The following NUP35 variants were observed in gnomAD, a reference collection of about 807,000 sequenced individuals.
NUP35 encodes nucleoporin NUP35.
A neutral mutation model predicts 41.5 loss-of-function variants in NUP35; 25 were observed. The observed-to-expected ratio is 0.60, with a 90% CI of 0.44 to 0.84. The LOEUF (loss-of-function observed/expected upper bound fraction) is 0.84. NUP35 is among the 40% of genes least tolerant of loss of function. NUP35 has a pLI of 0.00. For missense variants in NUP35, 396 were observed against 396.6 expected, an observed-to-expected ratio of 1.00 and a Z score of 0.01; for synonymous variants, 149 against 130.7, an observed-to-expected ratio of 1.14 and a Z score of -0.96.
chr2:183,147,222 A>G (rs1685311037), intron 4 of NUP35, among the ~76,000 whole-genome samples: 1 of 152,126 alleles, frequency 6.6e-6, no homozygotes, highest in Non-Finnish European at 1.5e-5. Flanking sequence ...CCAACTTGTC[A>G]ATCTTTGTTT....
rs940350751 is a variant in NUP35 at position 183,146,843 on chromosome 2, C to T, written c.398-4665C>T. On this transcript the variant is annotated intron_variant, in intron 4 of 8. Coordinates refer to ENST00000295119, the MANE Select transcript of NUP35 (RefSeq NM_138285.5). Reference sequence around the variant, plus strand: ...AACTCGTGACCTCAGGTGATCCAAACGCCTTGGCCTCCCAAAGTGCTAGGA... The same window carrying T: ...AACTCGTGACCTCAGGTGATCCAAATGCCTTGGCCTCCCAAAGTGCTAGGA... 2.0e-5 allele frequency among the ~76,000 whole-genome samples: 3 copies of T among 152,260 alleles called. No homozygotes were observed. In the East Asian group the frequency reaches 5.8e-4, roughly 29 times the overall value.
intron 2 of NUP35, among the ~76,000 whole-genome samples, chr2:183,129,756 T>C (rs1684630621): frequency 6.6e-6 from 1 of 152,234 alleles, no homozygotes; most frequent in South Asian, 2.1e-4. Context: ...TCTTATTCCA[T>C]AGACTGTGCT....
chr2:183,153,890 C>T (rs34767214), intron 5 of NUP35, among the ~76,000 whole-genome samples: 30,944 of 152,210 alleles, frequency 0.2, 3,595 homozygotes, highest in African/African-American at 0.31. Context: ...AGGGCCCCAC[C>T]CCTGCAGCAC....
intron 4 of NUP35, among the ~76,000 whole-genome samples, chr2:183,142,337 ATT>A (rs1472192163): frequency 1.3e-5 from 2 of 151,740 alleles, no homozygotes; most frequent in African/African-American, 4.8e-5. Flanking sequence ...GTTTTTTGGA[ATT>A]GCTTGTTTGT....
intron 4 of NUP35, among the ~76,000 whole-genome samples, chr2:183,147,652 T>C (rs1355843760): frequency 6.6e-6 from 1 of 152,230 alleles, no homozygotes; most frequent in Non-Finnish European, 1.5e-5. Context: ...AGGATTGCTT[T>C]GGCTATTTGG....
Position 183,147,129 on chromosome 2 carries a change from A to T in NUP35, c.398-4379A>T, listed in dbSNP as rs561909786. Among the ~76,000 whole-genome samples the T allele has an allele frequency of 2.0e-5, 3 of 151,990 alleles. No homozygotes were observed. The South Asian group carries it at 6.2e-4, about 32-fold the overall frequency. On this transcript the variant is annotated intron_variant, in intron 4 of 8. Transcript: ENST00000295119. ...CCTTTGTTGGATGCATACTTTGCAC[A>T]TGTTTTCTCCTATTCTGTAGGTTGT...
intron 1 of NUP35, among the ~76,000 whole-genome samples, chr2:183,127,268 T>C (rs1047471975): frequency 1.3e-5 from 2 of 151,154 alleles, no homozygotes; most frequent in Admixed American, 6.7e-5. Context: ...TATTTAATGA[T>C]GATTCTTTAA....
At chr2:183,149,301 TAAAAC>T (rs1474397603) in intron 4 of NUP35, among the ~76,000 whole-genome samples, 2 of 152,126 alleles carry the variant, frequency 1.3e-5, no homozygotes, top group Non-Finnish European at 2.9e-5. Context: ...CATTCAAAAT[TAAAAC>T]AAAATTTAAA....
intron 4 of NUP35, among the ~76,000 whole-genome samples, chr2:183,137,080 A>G (rs550976333): frequency 6.6e-6 from 1 of 151,384 alleles, no homozygotes; most frequent in South Asian, 2.1e-4. Flanking sequence ...ATAGAGCGAG[A>G]CTTTGTCTCC....
upstream of NUP35, among the ~76,000 whole-genome samples, chr2:183,120,407 C>CT (rs1387163791): frequency 1.1e-4 from 16 of 144,024 alleles, no homozygotes; most frequent in African/African-American, 3.5e-4. Context: ...GATCGCTCCA[C>CT]TGTACTCCAG....
rs908846058 is a variant in NUP35, at chr2:183,161,666, A to G, written c.*535A>G. On this transcript the variant is annotated 3_prime_UTR_variant, in exon 9 of 9. Transcript: ENST00000295119. Reference sequence around the variant, plus strand: ...AAAACCTAAAGTTTCTTGATAATAAACATTGTCAATGATATGTGTATTAGT... The same window carrying G: ...AAAACCTAAAGTTTCTTGATAATAAGCATTGTCAATGATATGTGTATTAGT... 1 of 152,266 alleles carries G rather than the reference A, an allele frequency of 6.6e-6. No homozygotes were observed. The highest frequency in any genetic ancestry group is 1.5e-5 in the Non-Finnish European group (1 of 68,082). The allele number at this position is 152,266 out of a possible 1,614,324, so 9.4% of individuals were successfully genotyped here. A position where few individuals can be genotyped will look rare whatever the true frequency, so the allele number is the denominator to read the frequency against.
Position 183,157,459 on chromosome 2 carries a change from T to C in NUP35, c.555T>C (p.Ser185=). 6.2e-7 allele frequency: 1 copy of C among 1,612,616 alleles called. No homozygotes were observed. The highest frequency in any genetic ancestry group is 8.5e-7 in the Non-Finnish European group (1 of 1,178,768). ...TTTTTTTCAGGTTTCCTCAAGCATC[T>C]GCTTCCTACATATTACTACAATTTG... ...WVTVFGFPQA[S]ASYILLQFAQ... The change falls in exon 6 of 9, where the codon TCT becomes TCC. Residue 185 remains serine (S), a synonymous_variant. Transcript: ENST00000295119.
chr2:183,155,133 G>A (rs1222701590), intron 5 of NUP35, among the ~76,000 whole-genome samples: 1 of 152,142 alleles, frequency 6.6e-6, no homozygotes, highest in African/African-American at 2.4e-5. Flanking sequence ...AGATTTGGTT[G>A]GAGACACAGC....
chr2:183,137,896 T>C (rs1431150395), intron 4 of NUP35, among the ~76,000 whole-genome samples: 1 of 152,170 alleles, frequency 6.6e-6, no homozygotes, highest in Non-Finnish European at 1.5e-5. Flanking sequence ...CGTTGTCAAG[T>C]AGAAAAGCGC....
chr2:183,159,677 AG>A (rs1329118134), intron 8 of NUP35, 25 bp downstream of exon 8: 1 of 1,587,194 alleles, frequency 6.3e-7, no homozygotes, highest in East Asian at 2.2e-5. Flanking sequence ...GGATAAAAAA[AG>A]ATGTACTTTA....
upstream of NUP35, chr2:183,124,389 G>C (rs1471709965): frequency 6.2e-7 from 1 of 1,613,546 alleles, no homozygotes. Flanking sequence ...CGTTACCCGT[G>C]GGGAGCGTTT....
chr2:183,148,680 G>A (rs2105595441), intron 4 of NUP35, among the ~76,000 whole-genome samples: 1 of 152,086 alleles, frequency 6.6e-6, no homozygotes, highest in East Asian at 1.9e-4. Flanking sequence ...ATTTCGAGAT[G>A]GAGTCTTAAA....
intron 5 of NUP35, among the ~76,000 whole-genome samples, chr2:183,157,167 G>A (rs1360729415): frequency 6.6e-6 from 1 of 151,980 alleles, no homozygotes; most frequent in African/African-American, 2.4e-5. Context: ...TCTAAGACCT[G>A]GATAATGGCA....
intron 1 of NUP35, among the ~76,000 whole-genome samples, chr2:183,125,878 A>C (rs2105534970): frequency 6.6e-6 from 1 of 152,340 alleles, no homozygotes; most frequent in South Asian, 2.1e-4. Context: ...GGAGCACAGA[A>C]TATGAAATGG....
Sources: allele counts gnomAD v4.1 joint callset (sites outside exome capture counted in the v4.1 genomes callset), GRCh38; gene constraint gnomAD v4.1.1; transcripts MANE v1.5; gene names NCBI Gene and HGNC (gene_info 2026-07-23, HGNC 2026-07-21).